The following BRINP3 variants were observed in gnomAD, a reference collection of about 807,000 sequenced individuals.
BRINP3 encodes BMP/retinoic acid-inducible neural-specific protein 3.
In BRINP3, 19 loss-of-function variants were observed where a neutral mutation model predicts 71.0. That is an observed-to-expected ratio of 0.27 (90% confidence interval 0.19 to 0.39). BRINP3 has a LOEUF of 0.39. Among genes scored for constraint, BRINP3 ranks in the 10% least tolerant of loss-of-function variants. BRINP3 has a pLI of 1.00. For synonymous variants in BRINP3, 380 were observed against 337.7 expected (o/e 1.13, Z -1.37); for missense variants, 959 against 940.8 (o/e 1.02, Z -0.25).
chr1:190,235,291 T>C (rs1463225857), intron 4 of BRINP3, among the ~76,000 whole-genome samples: 1 of 152,080 alleles, frequency 6.6e-6, no homozygotes, highest in Non-Finnish European at 1.5e-5. Flanking sequence ...GGATGGATAG[T>C]ATTAGGAGAT....
intron 7 of BRINP3, among the ~76,000 whole-genome samples, chr1:190,110,188 G>A (rs1652543455): frequency 6.6e-6 from 1 of 152,142 alleles, no homozygotes; most frequent in African/African-American, 2.4e-5. Context: ...ATAGTCTCCA[G>A]TTATAAGTAG....
At chr1:190,290,780 G>T (rs892760734) in intron 2 of BRINP3, among the ~76,000 whole-genome samples, 1 of 152,050 alleles carries the variant, frequency 6.6e-6, no homozygotes. Flanking sequence ...TATCTAGCAA[G>T]AATTTGAATC....
At chr1:190,188,891 G>T (rs1016284893) in intron 6 of BRINP3, among the ~76,000 whole-genome samples, 1 of 151,934 alleles carries the variant, frequency 6.6e-6, no homozygotes, top group African/African-American at 2.4e-5. Flanking sequence ...CTCCTGAGTA[G>T]CTCCAATTAC....
intron 2 of BRINP3, among the ~76,000 whole-genome samples, chr1:190,343,280 T>A (rs1204416315): frequency 6.6e-6 from 1 of 151,800 alleles, no homozygotes; most frequent in African/African-American, 2.4e-5. Context: ...GTGGCAGATA[T>A]ACTTGGAAGA....
At chr1:190,411,144 T>C (rs1439315782) in intron 2 of BRINP3, among the ~76,000 whole-genome samples, 4 of 152,014 alleles carry the variant, frequency 2.6e-5, no homozygotes, top group African/African-American at 9.7e-5. Flanking sequence ...TCCAGAAACA[T>C]ACCATACATT....
intron 6 of BRINP3, among the ~76,000 whole-genome samples, chr1:190,197,646 T>C (rs1654612679): frequency 6.6e-6 from 1 of 152,264 alleles, no homozygotes; most frequent in East Asian, 1.9e-4. Context: ...ATGTCTCACA[T>C]CCAGGTCACA....
chr1:190,269,289 C>G (rs1359916180), intron 3 of BRINP3, among the ~76,000 whole-genome samples: 1 of 151,966 alleles, frequency 6.6e-6, no homozygotes, highest in African/African-American at 2.4e-5. Flanking sequence ...AAACTCCAAA[C>G]AGATTAGAGA....
intron 2 of BRINP3, 47 bp from the exon 3 acceptor site, chr1:190,281,797 A>G: frequency 6.5e-7 from 1 of 1,550,006 alleles, no homozygotes; most frequent in Non-Finnish European, 8.7e-7. Flanking sequence ...ATCTATCTGA[A>G]TGTTTTCATT....
At chr1:190,136,130 G>A (rs1161388778) in intron 7 of BRINP3, among the ~76,000 whole-genome samples, 2 of 152,024 alleles carry the variant, frequency 1.3e-5, no homozygotes, top group Non-Finnish European at 2.9e-5. Flanking sequence ...TATTTCATGA[G>A]AGAAATTCCA....
intron 6 of BRINP3, among the ~76,000 whole-genome samples, chr1:190,183,553 G>A (rs891143292): frequency 4.6e-5 from 7 of 152,048 alleles, no homozygotes; most frequent in African/African-American, 1.7e-4. Flanking sequence ...TGGGAAGGAT[G>A]GGTGTTAGGT....
chr1:190,098,773 T>C lies in BRINP3; in HGVS notation c.1546A>G (p.Ser516Gly). 1 of 1,614,244 alleles carries C rather than the reference T, an allele frequency of 6.2e-7. No homozygotes were observed. Among genetic ancestry groups the C allele is most frequent in the Non-Finnish European group, 8.5e-7 (1 of 1,180,040 alleles). ...CAGCTATTGAGGCGCATGTCATTGC[T>C]GATAAAAATGGCATGGACTTCTATT... ...RRIEVHAIFI[S>G]NDMRLNSWFD... Residue 516 changes from serine to glycine, a missense_variant, in exon 8 of 8, where the codon AGC becomes GGC. Ser to Gly is a moderately conservative substitution (Grantham distance 56, BLOSUM62 0). Transcript: ENST00000367462.
intron 7 of BRINP3, among the ~76,000 whole-genome samples, chr1:190,142,481 T>C (rs373135337): frequency 2.0e-5 from 3 of 152,168 alleles, no homozygotes; most frequent in African/African-American, 7.2e-5. Context: ...ATAAGATTCA[T>C]GCTATTTTTT....
At position 190,451,120 on chromosome 1, in the gene BRINP3, C is replaced by A. The variant is rs998470642; in HGVS notation, c.236+3535G>T. 7.2e-5 allele frequency among the ~76,000 whole-genome samples: 11 copies of A among 151,824 alleles called. No individual in the cohort carries two copies. The South Asian group carries it at 2.3e-3, about 32-fold the overall frequency. ...ATATTTTGAAAAATTATAAGAAAAT[C>A]AACATCATTTTCCCAATAATTCACT... On this transcript the variant is annotated intron_variant, in intron 2 of 7. Coordinates refer to ENST00000367462, the MANE Select transcript of BRINP3 (RefSeq NM_199051.3).
rs142392338 is a variant in BRINP3 at position 190,289,756 on chromosome 1, T to G, written c.237-8006A>C. ...AAATATTACCTGCTTCATATGAACT[T>G]CAAAGACACTAACAATATGTGGGAA... is the stretch of plus-strand genomic sequence containing the variant. On this transcript the variant is annotated intron_variant, in intron 2 of 7. Transcript: ENST00000367462. Among the ~76,000 whole-genome samples the G allele has an allele frequency of 2.0e-5, 3 of 152,100 alleles. No homozygotes were observed. The East Asian group carries it at 5.8e-4, about 29-fold the overall frequency.
At chr1:190,123,995 G>A (rs1653888074) in intron 7 of BRINP3, among the ~76,000 whole-genome samples, 1 of 152,100 alleles carries the variant, frequency 6.6e-6, no homozygotes, top group South Asian at 2.1e-4. Context: ...TAGTGATTCT[G>A]AAGTCATTTG....
chr1:190,269,669 A>ATAT (rs1661942923), intron 3 of BRINP3, among the ~76,000 whole-genome samples: 2 of 152,098 alleles, frequency 1.3e-5, no homozygotes, highest in African/African-American at 4.8e-5. Flanking sequence ...TCTAAGTCAT[A>ATAT]GCATGAGAAA....
intron 2 of BRINP3, among the ~76,000 whole-genome samples, chr1:190,403,321 T>C (rs989214948): frequency 1.3e-5 from 2 of 152,212 alleles, no homozygotes; most frequent in Non-Finnish European, 2.9e-5. Context: ...TTTATTAAAT[T>C]TGCATTACAT....
intron 2 of BRINP3, among the ~76,000 whole-genome samples, chr1:190,390,406 G>A (rs1050916335): frequency 5.3e-5 from 8 of 151,640 alleles, no homozygotes; most frequent in African/African-American, 1.9e-4. Context: ...TAGAAAAGAG[G>A]GCAACCTTCC....
intron 2 of BRINP3, among the ~76,000 whole-genome samples, chr1:190,343,500 A>G (rs895459728): frequency 1.3e-5 from 2 of 151,816 alleles, no homozygotes; most frequent in Admixed American, 6.6e-5. Flanking sequence ...AATAATAAGC[A>G]TTCTGCACAG....
Sources: allele counts gnomAD v4.1 joint callset (sites outside exome capture counted in the v4.1 genomes callset), GRCh38; gene constraint gnomAD v4.1.1; transcripts MANE v1.5; gene names NCBI Gene and HGNC (gene_info 2026-07-23, HGNC 2026-07-21).